The following TRIML1 variants were observed in gnomAD, a reference collection of about 807,000 sequenced individuals.
TRIML1 encodes the protein tripartite motif family like 1, also known as probable E3 ubiquitin-protein ligase TRIML1.
TRIML1 carries 34 observed loss-of-function variants against 32.3 expected under a neutral mutation model. The observed-to-expected ratio is 1.05, with a 90% CI of 0.80 to 1.40. The LOEUF (loss-of-function observed/expected upper bound fraction) is 1.40. TRIML1 is among the 40% of genes most tolerant of loss of function. TRIML1 has a pLI of 0.00. For synonymous variants in TRIML1, 244 were observed against 226.6 expected, an observed-to-expected ratio of 1.08 and a Z score of -0.69; for missense variants, 595 against 574.9, an observed-to-expected ratio of 1.03 and a Z score of -0.36.
At chr4:188,144,523 T>C (rs7671345) in intron 5 of TRIML1, among the ~76,000 whole-genome samples, 35,872 of 118,972 alleles carry the variant, frequency 0.3, 6,981 homozygotes, top group South Asian at 0.42. Context: ...CCACCACGCC[T>C]GGGTAATTTT....
upstream of TRIML1, among the ~76,000 whole-genome samples, chr4:188,139,106 C>T (rs1435251935): frequency 6.6e-6 from 1 of 152,096 alleles, no homozygotes; most frequent in African/African-American, 2.4e-5. Context: ...AGATTTGGAC[C>T]AAATTTCCAA....
chr4:188,143,980 G>A (rs1734959781), intron 4 of TRIML1, 56 bp from the exon 5 acceptor site: 1 of 1,606,806 alleles, frequency 6.2e-7, no homozygotes, highest in Non-Finnish European at 8.5e-7. Context: ...GGACTCTCCA[G>A]CTGGAGCAGG....
chr4:188,141,163 C>CTATTTTTTTTTTTTTT (rs1734837698), intron 2 of TRIML1, among the ~76,000 whole-genome samples: 1 of 106,344 alleles, frequency 9.4e-6, no homozygotes, highest in African/African-American at 3.9e-5. Flanking sequence ...ACTTTGAAAT[C>CTATTTTTTTTTTTTTT]TGTTTTTTTT....
At chr4:188,137,529 G>C (rs1283572251), upstream of TRIML1, among the ~76,000 whole-genome samples, 2 of 146,804 alleles carry the variant, frequency 1.4e-5, no homozygotes, top group South Asian at 4.3e-4. Flanking sequence ...CCAGGCTGGA[G>C]TGCAATGGCG....
chr4:188,147,465 G>C lies in TRIML1; in HGVS notation c.*93G>C. On this transcript the variant is annotated 3_prime_UTR_variant, in exon 6 of 6. Coordinates refer to ENST00000332517, the MANE Select transcript of TRIML1 (RefSeq NM_178556.5). ...GGCATCGACAGTATTAATGTCAGGTGATCTGAAATAAACTCCCGTAACCCC... is the reference window on the plus strand; with the variant it reads ...GGCATCGACAGTATTAATGTCAGGTCATCTGAAATAAACTCCCGTAACCCC... 8.4e-7 allele frequency: 1 copy of C among 1,194,500 alleles called. No individual in the cohort carries two copies. The highest frequency in any genetic ancestry group is 1.1e-6 in the Non-Finnish European group (1 of 919,046). The allele number at this position is 1,194,500 out of a possible 1,614,324, so 74.0% of individuals were successfully genotyped here.
At chr4:188,140,073 C>A (rs1396178900) in intron 1 of TRIML1, 107 bp downstream of exon 1, 3 of 1,150,348 alleles carry the variant, frequency 2.6e-6, no homozygotes, top group Admixed American at 5.4e-5. Flanking sequence ...GAGGGCCCAT[C>A]TGAGCACCAC....
At chr4:188,150,292 C>T (rs376390903), downstream of TRIML1, among the ~76,000 whole-genome samples, 1 of 151,640 alleles carries the variant, frequency 6.6e-6, no homozygotes, top group Non-Finnish European at 1.5e-5. Flanking sequence ...CCACACCCAG[C>T]GAATTTTTGT....
upstream of TRIML1, among the ~76,000 whole-genome samples, chr4:188,139,163 T>C (rs1734751787): frequency 6.6e-6 from 1 of 152,214 alleles, no homozygotes; most frequent in African/African-American, 2.4e-5. Context: ...CTTTACTGGT[T>C]TACACCAAAT....
Position 188,146,904 on chromosome 4 carries a change from C to A in TRIML1, c.939C>A (p.Ser313Arg). Residue 313 changes from serine to arginine, a missense_variant, in exon 6 of 6, where the codon AGC (serine) becomes AGA (arginine). Transcript: ENST00000332517. ...EDLKSVKYGGSRQQLPDNPER... is the reference protein window; with the variant it reads ...EDLKSVKYGGRRQQLPDNPER... ...TGAAGAGTGTGAAATATGGGGGAAG[C>A]AGACAGCAGCTACCCGACAACCCGG... The A allele has an allele frequency of 6.7e-7, 1 of 1,493,812 alleles. No individual in the cohort carries two copies. Among genetic ancestry groups the A allele is most frequent in the Non-Finnish European group, 8.9e-7 (1 of 1,121,046 alleles). The allele number at this position is 1,493,812 out of a possible 1,614,324, so 92.5% of individuals were successfully genotyped here. A position where few individuals can be genotyped will look rare whatever the true frequency, so the allele number is the denominator to read the frequency against.
chr4:188,144,569 A>G (rs1490465624), intron 5 of TRIML1, among the ~76,000 whole-genome samples: 2 of 147,676 alleles, frequency 1.4e-5, no homozygotes, highest in African/African-American at 2.5e-5. Context: ...TCACTGTGTT[A>G]GCCAGGATGG....
In TRIML1 at chr4:188,147,061, G is replaced by C. The variant is rs536723964; in HGVS notation, c.1096G>C (p.Gly366Arg). Reference sequence around the variant, plus strand: ...CTGCAAGGACTCTGTGAGCAGAAAGGGGAATCTCCCCAAGCCACCTGGGGA... The same window carrying C: ...CTGCAAGGACTCTGTGAGCAGAAAGCGGAATCTCCCCAAGCCACCTGGGGA... ...GICKDSVSRK[G>R]NLPKPPGDLF... Residue 366 changes from glycine to arginine, a missense_variant, in exon 6 of 6, where the codon GGG becomes CGG. Transcript: ENST00000332517. The C allele has an allele frequency of 8.1e-6, 13 of 1,613,338 alleles. No individual in the cohort carries two copies. In the Admixed American group the frequency reaches 2.2e-4, roughly 27 times the overall value.
Position 188,142,388 on chromosome 4 carries a change from A to G in TRIML1, c.641A>G (p.Asn214Ser), listed in dbSNP as rs746354248. The change falls in exon 3 of 6, where the codon AAT becomes AGT. Residue 214 changes from asparagine to serine, a missense_variant. Asn to Ser is a conservative substitution (Grantham distance 46). Coordinates refer to ENST00000332517, the MANE Select transcript of TRIML1 (RefSeq NM_178556.5). ...GAGAACATGAGGAAGCTGAGGAACAATGAGATCAAACTGACCCAGCAAATC... is the reference window on the plus strand; with the variant it reads ...GAGAACATGAGGAAGCTGAGGAACAGTGAGATCAAACTGACCCAGCAAATC... ...EKENMRKLRNNEIKLTQQIRS... is the reference protein window; with the variant it reads ...EKENMRKLRNSEIKLTQQIRS... The G allele has an allele frequency of 1.2e-6, 2 of 1,613,986 alleles. No individual in the cohort carries two copies. The highest frequency in any genetic ancestry group is 1.7e-6 in the Non-Finnish European group (2 of 1,180,012).
Position 188,144,134 on chromosome 4 carries a change from G to T in TRIML1, c.856+1G>T. On this transcript the variant is annotated splice_donor_variant, in intron 5 of 5. Transcript: ENST00000332517. LOFTEE classifies it high-confidence loss of function. The stretch of plus-strand genomic sequence containing the variant: ...AAGGAGATGCTAAGAAAATTCAGCA[G>T]TAAGTCAGCCTGATTTGTTACCCCT... 1 of 1,613,384 alleles carries T rather than the reference G, an allele frequency of 6.2e-7. No homozygotes were observed.
chr4:188,144,017 C>A lies in TRIML1; in HGVS notation c.759-19C>A, dbSNP rs771722609. The A allele has an allele frequency of 1.2e-6, 2 of 1,612,946 alleles. No individual in the cohort carries two copies. The highest frequency in any genetic ancestry group is 1.7e-6 in the Non-Finnish European group (2 of 1,179,220). On this transcript the variant is annotated intron_variant, in intron 4 of 5. Transcript: ENST00000332517. ...CACGCGGTCTGTGCCGAGGAGTGAACCTCTCTGCTCTCTTGCAGGAGCGAG... is the reference window on the plus strand; with the variant it reads ...CACGCGGTCTGTGCCGAGGAGTGAAACTCTCTGCTCTCTTGCAGGAGCGAG...
chr4:188,144,649 A>C (rs1244831962), intron 5 of TRIML1, among the ~76,000 whole-genome samples: 1 of 151,960 alleles, frequency 6.6e-6, no homozygotes, highest in Non-Finnish European at 1.5e-5. Context: ...GGCGTGAGCC[A>C]CTGCGCCCAG....
intron 1 of TRIML1, 38 bp downstream of exon 1, chr4:188,140,004 GC>G: frequency 6.5e-7 from 1 of 1,547,368 alleles, no homozygotes; most frequent in Non-Finnish European, 8.7e-7. Context: ...ACGACTCATC[GC>G]AGCTAACTCC....
chr4:188,146,469 G>GTATAATCT (rs1324967725), intron 5 of TRIML1, among the ~76,000 whole-genome samples: 3 of 152,294 alleles, frequency 2.0e-5, no homozygotes, highest in South Asian at 2.1e-4. Flanking sequence ...GAGTGCAGTG[G>GTATAATCT]TATAATCTTG....
At chr4:188,141,092 G>A (rs1200388966) in intron 2 of TRIML1, among the ~76,000 whole-genome samples, 1 of 151,380 alleles carries the variant, frequency 6.6e-6, no homozygotes, top group African/African-American at 2.4e-5. Flanking sequence ...AGCAGTCAAA[G>A]CAAAGGACTA....
chr4:188,141,973 G>A (rs949100319), intron 2 of TRIML1, among the ~76,000 whole-genome samples: 3 of 151,802 alleles, frequency 2.0e-5, no homozygotes, highest in Non-Finnish European at 2.9e-5. Context: ...TTAGCTGGGC[G>A]TGGTGGCACA....
Sources: allele counts gnomAD v4.1 joint callset (sites outside exome capture counted in the v4.1 genomes callset), GRCh38; gene constraint gnomAD v4.1.1; transcripts MANE v1.5; gene names NCBI Gene and HGNC (gene_info 2026-07-23, HGNC 2026-07-21).